The following VAX1 variants were observed in gnomAD, a reference collection of about 807,000 sequenced individuals.
VAX1 encodes the protein ventral anterior homeobox 1.
Under a neutral mutation model 17.6 loss-of-function variants are expected in VAX1, and 6 were observed. That is an observed-to-expected ratio of 0.34 (90% CI 0.19 to 0.67). The LOEUF (loss-of-function observed/expected upper bound fraction) is 0.67. VAX1 is among the 30% of genes least tolerant of loss of function. The probability of loss-of-function intolerance (pLI) is 0.69; values close to 1 mark genes in which losing one functional copy is unlikely to be tolerated. For synonymous variants in VAX1, 256 were observed against 227.4 expected (o/e 1.13, Z -1.13); for missense variants, 408 against 463.7 (o/e 0.88, Z 1.10).
rs1431071024 is a variant in VAX1, at chr10:117,136,599, T to C, written c.302A>G (p.Lys101Arg). 1 of 1,613,734 alleles carries C rather than the reference T, an allele frequency of 6.2e-7. No individual in the cohort carries two copies. Among genetic ancestry groups the C allele is most frequent in the Admixed American group, 1.7e-5 (1 of 60,032 alleles). Residue 101 changes from lysine to arginine, a missense_variant, in exon 2 of 3, where the codon AAG becomes AGG. This residue lies in a region of VAX1 where 75 missense variants were observed against 116.1 expected (regional missense o/e 0.65). Transcript: ENST00000369206. This position sits in a 1 kb window ranked among gnomAD's most constrained non-coding sequence, Gnocchi z 5.0. ...CGCGGTGAAGGACGTGCGCGTCCTC[T>C]TAGGCCGGTCCAAGTCCAGGCCCTT... is the stretch of plus-strand genomic sequence containing the variant. ...LPKGLDLDRP[K>R]RTRTSFTAEQ...
At chr10:117,132,558 G>A (rs1334897656), downstream of VAX1, 1 of 1,509,676 alleles carries the variant, frequency 6.6e-7, no homozygotes, top group Middle Eastern at 2.2e-4. This position sits in a 1 kb window ranked among gnomAD's most constrained non-coding sequence, Gnocchi z 4.9. Flanking sequence ...TTTTAAAAAA[G>A]TGTTTTTCGC....
chr10:117,129,654 G>GTA (rs1242670485), downstream of VAX1: 1 of 151,342 alleles, frequency 6.6e-6, no homozygotes, highest in Non-Finnish European at 1.5e-5. Flanking sequence ...AGGGGTGTGT[G>GTA]TGTGTGTGTG....
rs777401843 is a variant in VAX1, at chr10:117,136,459, G to T, written c.429+13C>A. On this transcript the variant is annotated intron_variant, in intron 2 of 2. Coordinates refer to ENST00000369206, the MANE Select transcript of VAX1 (RefSeq NM_001112704.2). This position sits in a 1 kb window ranked among gnomAD's most constrained non-coding sequence, Gnocchi z 5.0. ...GCTGGTGCAGAACTGTGTGCGGCCT[G>T]GTCGCCGGGTACCTGGGTCTCGGAG... 1.2e-6 allele frequency: 2 copies of T among 1,612,196 alleles called. No homozygotes were observed. The highest frequency in any genetic ancestry group is 2.2e-5 in the South Asian group (2 of 91,018).
Position 117,138,217 on chromosome 10 carries a change from GT to G in VAX1, c.-162del. The G allele has an allele frequency of 1.1e-6, 1 of 875,590 alleles. No homozygotes were observed. The highest frequency in any genetic ancestry group is 1.7e-6 in the Non-Finnish European group (1 of 581,574). The allele number at this position is 875,590 out of a possible 1,614,324, so 54.2% of individuals were successfully genotyped here. A position where few individuals can be genotyped will look rare whatever the true frequency, so the allele number is the denominator to read the frequency against. On this transcript the variant is annotated 5_prime_UTR_variant, in exon 1 of 3. Transcript: ENST00000369206. ...CGACAGGCAAGGGGCAAGAATGAAT[GT>G]CCCCGCGGGGAGGCTTCGGCGGCCG... is the stretch of plus-strand genomic sequence containing the variant.
Position 117,136,705 on chromosome 10 carries a change from C to T in VAX1, c.242-46G>A. The T allele has an allele frequency of 1.9e-6, 3 of 1,578,372 alleles. No individual in the cohort carries two copies. The highest frequency in any genetic ancestry group is 1.3e-5 in the African/African-American group (1 of 74,256). ...GCCGCCAGAACCCTCCCGTCCCCCT[C>T]CACCTCCTTGGCCCGAGCTGGATTT... On this transcript the variant is annotated intron_variant, in intron 1 of 2. Transcript: ENST00000369206. The surrounding 1 kb of genome is among the most constrained non-coding windows in gnomAD (Gnocchi z 5.0).
rs1409798839 is a variant in VAX1 at position 117,137,426 on chromosome 10, C to T, written c.241+390G>A. On this transcript the variant is annotated intron_variant, in intron 1 of 2. Transcript: ENST00000369206. This position sits in a 1 kb window ranked among gnomAD's most constrained non-coding sequence, Gnocchi z 7.4. ...GGGCTCGCGTTCCCCCTTGGGTGCG[C>T]TCAGCCCTCCAGAGCGCGGGAGTCC... 3.3e-5 allele frequency among the ~76,000 whole-genome samples: 5 copies of T among 152,216 alleles called. No homozygotes were observed. The highest frequency in any genetic ancestry group is 1.2e-4 in the African/African-American group (5 of 41,464).
Position 117,134,387 on chromosome 10 carries a change from A to G in VAX1, c.626T>C (p.Leu209Pro). The G allele has an allele frequency of 7.3e-7, 1 of 1,370,574 alleles. No individual in the cohort carries two copies. The allele number at this position is 1,370,574 out of a possible 1,614,324, so 84.9% of individuals were successfully genotyped here. Residue 209 changes from leucine to proline, a missense_variant, in exon 3 of 3, where the codon CTG becomes CCG. By Grantham distance (98) the Leu-to-Pro change is moderately conservative (BLOSUM62 -3). Around this residue, in one of 4 missense-constraint regions of VAX1, gnomAD observed 196 missense variants for 218.7 expected, o/e 0.90. Transcript: ENST00000369206. The surrounding 1 kb of genome is among the most constrained non-coding windows in gnomAD (Gnocchi z 6.2). ...CAGGGCCGGCAAGCTGGGCCCGCGC[A>G]GCGCTGAGCCGAGAGCGCCCGTGGC... ...PCATGALGSA[L>P]RGPSLPALGA...
rs375457820 is a variant in VAX1, at chr10:117,137,789, G to C, written c.241+27C>G. On this transcript the variant is annotated intron_variant, in intron 1 of 2. Transcript: ENST00000369206. This position sits in a 1 kb window ranked among gnomAD's most constrained non-coding sequence, Gnocchi z 7.4. ...GGCCCCGGAGTCGACCCCAAAGAAC[G>C]CGCCTGGCAGCCCTGCCCATCCCTA... is the stretch of plus-strand genomic sequence containing the variant. The C allele has an allele frequency of 1.2e-6, 2 of 1,610,108 alleles. No individual in the cohort carries two copies. The highest frequency in any genetic ancestry group is 1.7e-6 in the Non-Finnish European group (2 of 1,179,874).
At chr10:117,132,110 A>G (rs1244286767), downstream of VAX1, 2 of 1,273,402 alleles carry the variant, frequency 1.6e-6, no homozygotes, top group Admixed American at 4.8e-5. The surrounding 1 kb of genome is among the most constrained non-coding windows in gnomAD (Gnocchi z 4.9). Flanking sequence ...AAGGAAGTGG[A>G]ACAAATCGTC....
At position 117,133,972 on chromosome 10, in the gene VAX1, G is replaced by A. The variant is rs768232560; in HGVS notation, c.*36C>T. ...TGAGTCCATAAATATCACCACAATA[G>A]ATACTATAAATATAAATACAGGGAA... On this transcript the variant is annotated 3_prime_UTR_variant, in exon 3 of 3. Transcript: ENST00000369206. 1 of 1,485,918 alleles carries A rather than the reference G, an allele frequency of 6.7e-7. No individual in the cohort carries two copies. The highest frequency in any genetic ancestry group is 1.3e-5 in the South Asian group (1 of 74,176). 92.0% of individuals were successfully genotyped at this position (1,485,918 alleles called of 1,614,324 possible).
downstream of VAX1, among the ~76,000 whole-genome samples, chr10:117,133,027 G>A (rs1854112809): frequency 6.6e-6 from 1 of 152,234 alleles, no homozygotes; most frequent in Non-Finnish European, 1.5e-5. Flanking sequence ...GCAGGCTACC[G>A]CCGGCAGCCG....
At chr10:117,135,857 C>T (rs1871345) in intron 2 of VAX1, among the ~76,000 whole-genome samples, 40,373 of 152,238 alleles carry the variant, frequency 0.27, 6,318 homozygotes, top group East Asian at 0.43. Context: ...TCACACATCA[C>T]TGGCCCAGAA....
Position 117,137,868 on chromosome 10 carries a change from A to G in VAX1, c.189T>C (p.Ser63=). 1 of 1,613,602 alleles carries G rather than the reference A, an allele frequency of 6.2e-7. No homozygotes were observed. Among genetic ancestry groups the G allele is most frequent in the Non-Finnish European group, 8.5e-7 (1 of 1,179,944 alleles). ...ASGAAEDCNK[S]KSNSAADPDY... is the part of the protein sequence containing the mutation. ...CCGGGTCCGCTGCGGAATTGGATTT[A>G]CTTTTGTTACAATCCTCAGCAGCGC... is the stretch of plus-strand genomic sequence containing the variant. Residue 63 remains serine, a synonymous_variant, in exon 1 of 3, where the codon AGT becomes AGC. Transcript: ENST00000369206. This position sits in a 1 kb window ranked among gnomAD's most constrained non-coding sequence, Gnocchi z 7.4.
rs953552421 is a variant in VAX1, at chr10:117,133,497, G to T, written c.*511C>A. 1 of 985,470 alleles carries T rather than the reference G, an allele frequency of 1.0e-6. No homozygotes were observed. The highest frequency in any genetic ancestry group is 1.2e-6 in the Non-Finnish European group (1 of 830,092). The allele number at this position is 985,470 out of a possible 1,614,324, so 61.0% of individuals were successfully genotyped here. On this transcript the variant is annotated 3_prime_UTR_variant, in exon 3 of 3. Coordinates refer to ENST00000369206, the MANE Select transcript of VAX1 (RefSeq NM_001112704.2). ...GAGGTCCGCAAAGCGGGGCCCAGGG[G>T]CTCCCACAAGCCCTGGTTTCCCTGG...
In VAX1 at chr10:117,134,410, G is replaced by A. The variant is rs1464389410; in HGVS notation, c.603C>T (p.Ala201=). The change falls in exon 3 of 3, where the codon GCC becomes GCT. Residue 201 remains alanine (A), a synonymous_variant. Coordinates refer to ENST00000369206, the MANE Select transcript of VAX1 (RefSeq NM_001112704.2). The surrounding 1 kb of genome is among the most constrained non-coding windows in gnomAD (Gnocchi z 6.2). Reference sequence around the variant, plus strand: ...GCAGCGCTGAGCCGAGAGCGCCCGTGGCGCAAGGCGGCAGCAGCGCAGGCA... The same window carrying A: ...GCAGCGCTGAGCCGAGAGCGCCCGTAGCGCAAGGCGGCAGCAGCGCAGGCA... ...PGLPALLPPC[A]TGALGSALRG... 83 of 1,485,706 alleles carry A rather than the reference G, an allele frequency of 5.6e-5. No homozygotes were observed. The highest frequency in any genetic ancestry group is 7.2e-5 in the Non-Finnish European group (81 of 1,125,064). 92.0% of individuals were successfully genotyped at this position (1,485,706 alleles called of 1,614,324 possible).
At chr10:117,129,538 T>G (rs780163844), downstream of VAX1, 1 of 152,500 alleles carries the variant, frequency 6.6e-6, no homozygotes, top group Non-Finnish European at 1.5e-5. Flanking sequence ...AGCACACCAA[T>G]ATGACACAAT....
At chr10:117,132,509 G>GA (rs1564969912), downstream of VAX1, 1 of 1,582,232 alleles carries the variant, frequency 6.3e-7, no homozygotes, top group Non-Finnish European at 8.6e-7. This position sits in a 1 kb window ranked among gnomAD's most constrained non-coding sequence, Gnocchi z 4.9. Context: ...AAAAGAGGGG[G>GA]AGAGTTTCCG....
rs1229833119 is a variant in VAX1 at position 117,134,530 on chromosome 10, C to T, written c.483G>A (p.Lys161=). ...ACACCACCGAGCGTAGCTCCGAGTC[C>T]TTGCCCTGGTCCTTCTTCTGCTTGG... is the stretch of plus-strand genomic sequence containing the variant. ...RRTKQKKDQG[K]DSELRSVVSE... Residue 161 remains lysine, a synonymous_variant, in exon 3 of 3, where the codon AAG becomes AAA. Coordinates refer to ENST00000369206, the MANE Select transcript of VAX1 (RefSeq NM_001112704.2). The surrounding 1 kb of genome is among the most constrained non-coding windows in gnomAD (Gnocchi z 6.2). The T allele has an allele frequency of 3.3e-6, 5 of 1,530,496 alleles. No individual in the cohort carries two copies. Among genetic ancestry groups the T allele is most frequent in the Non-Finnish European group, 4.4e-6 (5 of 1,140,978 alleles). The allele number at this position is 1,530,496 out of a possible 1,614,324, so 94.8% of individuals were successfully genotyped here.
At position 117,138,237 on chromosome 10, in the gene VAX1, G is replaced by C; in HGVS notation, c.-181C>G. The C allele has an allele frequency of 1.3e-6, 1 of 751,536 alleles. No homozygotes were observed. The highest frequency in any genetic ancestry group is 1.8e-5 in the South Asian group (1 of 54,206). 46.6% of individuals were successfully genotyped at this position (751,536 alleles called of 1,614,324 possible). On this transcript the variant is annotated 5_prime_UTR_variant, in exon 1 of 3. Transcript: ENST00000369206. ...TGAATGTCCCCGCGGGGAGGCTTCG[G>C]CGGCCGCGCGCGGGTCAGCGGCGAC...
Sources: gnomAD v4.1 joint callset for allele counts (sites outside exome capture counted in the v4.1 genomes callset) on GRCh38, gnomAD v4.1.1 for gene constraint, gnomAD v4.1.1 regional missense constraint, Gnocchi (gnomAD v3.1) non-coding constraint, MANE v1.5 for transcripts, NCBI Gene and HGNC (gene_info 2026-07-23, HGNC 2026-07-21) for gene names.